The following CARMIL1 variants were observed in gnomAD, a reference collection of about 807,000 sequenced individuals.
The protein encoded by CARMIL1 is F-actin-uncapping protein LRRC16A.
A neutral mutation model predicts 177.1 loss-of-function variants in CARMIL1; 90 were observed. The observed-to-expected ratio is 0.51, with a 90% CI of 0.43 to 0.61. CARMIL1 has a LOEUF of 0.61. CARMIL1 is among the 20% of genes least tolerant of loss of function. CARMIL1 has a pLI of 0.00. For synonymous variants in CARMIL1, 577 were observed against 606.2 expected, an observed-to-expected ratio of 0.95 and a Z score of 0.71; for missense variants, 1,380 against 1,667.0, an observed-to-expected ratio of 0.83 and a Z score of 3.00.
At chr6:25,461,182 C>T (rs1233739120) in intron 8 of CARMIL1, among the ~76,000 whole-genome samples, 1 of 152,178 alleles carries the variant, frequency 6.6e-6, no homozygotes, top group Non-Finnish European at 1.5e-5. Context: ...TACATCATGT[C>T]TACATTGTAG....
chr6:25,463,731 G>T (rs1203274872), intron 8 of CARMIL1, among the ~76,000 whole-genome samples: 2 of 151,956 alleles, frequency 1.3e-5, no homozygotes, highest in Non-Finnish European at 2.9e-5. Flanking sequence ...AGAGATACAG[G>T]AACTTGTTCT....
chr6:25,476,501 G>T (rs1801590057), intron 11 of CARMIL1, among the ~76,000 whole-genome samples: 1 of 152,120 alleles, frequency 6.6e-6, no homozygotes, highest in South Asian at 2.1e-4. Context: ...CTTTACTCTT[G>T]GGGATGAGCC....
intron 6 of CARMIL1, 74 bp from the exon 7 acceptor site, chr6:25,450,265 T>A: frequency 9.7e-7 from 1 of 1,036,048 alleles, no homozygotes; most frequent in Non-Finnish European, 1.5e-6. Flanking sequence ...ACATCGGCCA[T>A]ATTTAAGCTT....
chr6:25,448,188 T>C (rs1293624454), intron 5 of CARMIL1, among the ~76,000 whole-genome samples: 4 of 152,192 alleles, frequency 2.6e-5, no homozygotes, highest in Non-Finnish European at 5.9e-5. Flanking sequence ...CAGGCAGATA[T>C]TTGTTCACAG....
At chr6:25,467,502 A>G (rs1800717913) in intron 9 of CARMIL1, among the ~76,000 whole-genome samples, 1 of 152,208 alleles carries the variant, frequency 6.6e-6, no homozygotes, top group Non-Finnish European at 1.5e-5. Flanking sequence ...GGTTGTGGAT[A>G]TCTCACTTTT....
rs1260263130 is a variant in CARMIL1, at chr6:25,620,168, A to T, written c.*585A>T. ...TGGTTTTTACCTTCTCCCATGGGGA[A>T]CTTCTTCCTTCCTGATGTGGAATTG... On this transcript the variant is annotated 3_prime_UTR_variant, in exon 37 of 37. Transcript: ENST00000329474. 6 of 152,632 alleles carry T rather than the reference A, an allele frequency of 3.9e-5. No homozygotes were observed. Among genetic ancestry groups the T allele is most frequent in the African/African-American group, 1.4e-4 (6 of 41,442 alleles). The allele number at this position is 152,632 out of a possible 1,614,324, so 9.5% of individuals were successfully genotyped here.
chr6:25,495,305 C>A, intron 16 of CARMIL1, 90 bp downstream of exon 16: 2 of 852,018 alleles, frequency 2.3e-6, no homozygotes, highest in Admixed American at 3.1e-5. Context: ...ATATATAATC[C>A]AAAGACAAAA....
Position 25,539,941 on chromosome 6 carries a change from T to C in CARMIL1, c.2197-6T>C, listed in dbSNP as rs768530331. The C allele has an allele frequency of 2.5e-6, 4 of 1,568,680 alleles. No individual in the cohort carries two copies. The Admixed American group carries it at 8.2e-5, about 32-fold the overall frequency. On this transcript the variant is annotated splice_polypyrimidine_tract_variant and splice_region_variant and intron_variant, in intron 25 of 36. Transcript: ENST00000329474. ...CTAAAGAGGTTATTTTTTATTTCTC[T>C]TACAGTTGTTACCAAATTTATACCA...
chr6:25,509,730 T>C lies in CARMIL1; in HGVS notation c.1470T>C (p.Ser490=). The change falls in exon 18 of 37, where the codon TCT becomes TCC. Residue 490 remains serine (S), a synonymous_variant. Transcript: ENST00000329474. The surrounding 1 kb of genome is among the most constrained non-coding windows in gnomAD (Gnocchi z 4.1). ...ACAACATCACCAGCTTAGACATCTCTGACAATGGTAAGTCAGATATTGAAA... is the reference window on the plus strand; with the variant it reads ...ACAACATCACCAGCTTAGACATCTCCGACAATGGTAAGTCAGATATTGAAA... The part of the protein sequence containing the change: ...EIHNITSLDI[S]DNGLESDLST... The C allele has an allele frequency of 6.3e-7, 1 of 1,585,470 alleles. No individual in the cohort carries two copies. The highest frequency in any genetic ancestry group is 1.1e-5 in the South Asian group (1 of 87,048).
At chr6:25,376,661 C>T (rs1791016665) in intron 2 of CARMIL1, among the ~76,000 whole-genome samples, 1 of 152,156 alleles carries the variant, frequency 6.6e-6, no homozygotes, top group East Asian at 1.9e-4. Context: ...ATTGGAATTG[C>T]GAGGTCTCTT....
At chr6:25,405,880 T>C (rs1794320549) in intron 2 of CARMIL1, among the ~76,000 whole-genome samples, 1 of 152,180 alleles carries the variant, frequency 6.6e-6, no homozygotes, top group Non-Finnish European at 1.5e-5. Context: ...GACAGAATTA[T>C]TATCAGATTC....
chr6:25,370,103 A>G (rs1790263389), intron 2 of CARMIL1: 1 of 152,258 alleles, frequency 6.6e-6, no homozygotes, highest in Admixed American at 6.5e-5. Context: ...CATAAAAACA[A>G]GCGCATTAAA....
chr6:25,384,694 C>G (rs1028028306), intron 2 of CARMIL1, among the ~76,000 whole-genome samples: 2 of 152,206 alleles, frequency 1.3e-5, no homozygotes, highest in African/African-American at 4.8e-5. Flanking sequence ...TAGCTTCTAC[C>G]TCATTGCCTC....
At chr6:25,345,584 C>G (rs1787423022) in intron 2 of CARMIL1, among the ~76,000 whole-genome samples, 2 of 152,292 alleles carry the variant, frequency 1.3e-5, no homozygotes, top group East Asian at 3.9e-4. Context: ...TGCTCTTCCA[C>G]TTACTTAAGA....
chr6:25,438,529 G>A (rs1366741993), intron 5 of CARMIL1, among the ~76,000 whole-genome samples: 1 of 152,226 alleles, frequency 6.6e-6, no homozygotes, highest in African/African-American at 2.4e-5. Context: ...AGACCTAGGG[G>A]AAGAGAAGGC....
At chr6:25,462,713 T>A (rs1009373639) in intron 8 of CARMIL1, among the ~76,000 whole-genome samples, 10 of 152,246 alleles carry the variant, frequency 6.6e-5, no homozygotes, top group Admixed American at 1.3e-4. Context: ...AATTACTTGC[T>A]GTCCTGCTGT....
At chr6:25,364,355 A>G (rs574697821) in intron 2 of CARMIL1, among the ~76,000 whole-genome samples, 1 of 152,340 alleles carries the variant, frequency 6.6e-6, no homozygotes, top group South Asian at 2.1e-4. Flanking sequence ...CAGTTAAGAT[A>G]CAGAACAGTT....
intron 2 of CARMIL1, among the ~76,000 whole-genome samples, chr6:25,378,887 A>AT (rs1298330426): frequency 1.8e-5 from 2 of 110,040 alleles, no homozygotes; most frequent in Non-Finnish European, 1.9e-5. Flanking sequence ...TCTCTTGGGG[A>AT]TTAAAAAAAA....
chr6:25,469,398 A>C (rs1800902948), intron 9 of CARMIL1, among the ~76,000 whole-genome samples: 1 of 152,198 alleles, frequency 6.6e-6, no homozygotes, highest in Non-Finnish European at 1.5e-5. Context: ...TTTATGTGCT[A>C]TTTTAAGAAA....
Sources: allele counts gnomAD v4.1 joint callset (sites outside exome capture counted in the v4.1 genomes callset), GRCh38; gene constraint gnomAD v4.1.1; non-coding constraint Gnocchi (gnomAD v3.1); transcripts MANE v1.5; gene names NCBI Gene and HGNC (gene_info 2026-07-23, HGNC 2026-07-21).